Variants in PHACTR2 observed in about 807,000 individuals in gnomAD.
PHACTR2 encodes phosphatase and actin regulator 2.
Under a neutral mutation model 76.0 loss-of-function variants are expected in PHACTR2, and 30 were observed. The ratio of observed to expected loss-of-function variants is 0.39; its 90% CI spans 0.30 to 0.54. The LOEUF (loss-of-function observed/expected upper bound fraction) is 0.54. Among genes scored for constraint, PHACTR2 ranks in the 20% least tolerant of loss-of-function variants. The probability of loss-of-function intolerance (pLI) is 0.61; values close to 1 mark genes in which losing one functional copy is unlikely to be tolerated. For synonymous variants in PHACTR2, 292 were observed against 292.5 expected (o/e 1.00, Z 0.02); for missense variants, 696 against 781.1 (o/e 0.89, Z 1.30).
chr6:143,822,609 G>C lies in PHACTR2; in HGVS notation c.1923-1065G>C. On this transcript the variant is annotated intron_variant, in intron 12 of 12. Transcript: ENST00000440869. The surrounding 1 kb of genome is among the most constrained non-coding windows in gnomAD (Gnocchi z 5.5). ...GAGGAGCATAGATTTGATGGAGAGA[G>C]CCTGGGACAGGGAAACCAATTAGGA... 6.6e-6 allele frequency among the ~76,000 whole-genome samples: 1 copy of C among 152,318 alleles called. No individual in the cohort carries two copies. The highest frequency in any genetic ancestry group is 2.4e-5 in the African/African-American group (1 of 41,576).
At chr6:143,713,688 A>G (rs1287955143) in intron 2 of PHACTR2, among the ~76,000 whole-genome samples, 1 of 152,156 alleles carries the variant, frequency 6.6e-6, no homozygotes, top group Admixed American at 6.5e-5. Context: ...GAGGTGCTTC[A>G]GTTCCTGATT....
Position 143,624,104 on chromosome 6 carries a change from T to G in PHACTR2, c.13+15782T>G, listed in dbSNP as rs927712539. ...AATCTTGTTAATTTTTTTTGTTGTTTTTTTTGTTTGTTTGTTTGTTTTTAG... is the reference window on the plus strand; with the variant it reads ...AATCTTGTTAATTTTTTTTGTTGTTGTTTTTGTTTGTTTGTTTGTTTTTAG... On this transcript the variant is annotated intron_variant, in intron 1 of 11. Transcript: ENST00000305766. The surrounding 1 kb of genome is among the most constrained non-coding windows in gnomAD (Gnocchi z 4.6). Among the ~76,000 whole-genome samples, 1 of 150,528 alleles carries G rather than the reference T, an allele frequency of 6.6e-6. No individual in the cohort carries two copies. Among genetic ancestry groups the G allele is most frequent in the African/African-American group, 2.4e-5 (1 of 40,986 alleles).
At chr6:143,577,197 A>G (rs1182348591) in intron 1 of PHACTR2, among the ~76,000 whole-genome samples, 5 of 152,230 alleles carry the variant, frequency 3.3e-5, no homozygotes, top group African/African-American at 9.6e-5. Context: ...GGGAAGATTC[A>G]GTCTTTTAAA....
chr6:143,567,714 C>G (rs76767483), intron 1 of PHACTR2, among the ~76,000 whole-genome samples: 9,669 of 152,082 alleles, frequency 0.064, 367 homozygotes, highest in South Asian at 0.077. Flanking sequence ...TTTTGAAATG[C>G]CAGTCTGCAT....
rs909132823 is a variant in PHACTR2 at position 143,618,801 on chromosome 6, C to T, written c.13+10479C>T. 1.3e-5 allele frequency among the ~76,000 whole-genome samples: 2 copies of T among 152,044 alleles called. No individual in the cohort carries two copies. Among genetic ancestry groups the T allele is most frequent in the Admixed American group, 6.6e-5 (1 of 15,264 alleles). ...CCTCTGGATAGAATGAGTGTTCTCA[C>T]TCCTCTCCTCTCCTCCCCGAAAACT... On this transcript the variant is annotated intron_variant, in intron 1 of 11. Transcript: ENST00000305766. This position sits in a 1 kb window ranked among gnomAD's most constrained non-coding sequence, Gnocchi z 5.2.
rs1775411927 is a variant in PHACTR2 at position 143,780,847 on chromosome 6, G to T, written c.1646-2372G>T. On this transcript the variant is annotated intron_variant, in intron 9 of 12. Coordinates refer to ENST00000440869, the MANE Select transcript of PHACTR2 (RefSeq NM_001100164.2). The surrounding 1 kb of genome is among the most constrained non-coding windows in gnomAD (Gnocchi z 4.4). The stretch of plus-strand genomic sequence containing the variant: ...CCAGCCTGTTTAAATTGACCAGAAA[G>T]ATTTGCATCCTACTTTATAATTAGT... Among the ~76,000 whole-genome samples, 1 of 152,170 alleles carries T rather than the reference G, an allele frequency of 6.6e-6. No individual in the cohort carries two copies. The highest frequency in any genetic ancestry group is 1.5e-5 in the Non-Finnish European group (1 of 68,024).
intron 1 of PHACTR2, among the ~76,000 whole-genome samples, chr6:143,651,385 G>T (rs1284796383): frequency 6.6e-6 from 1 of 152,094 alleles, no homozygotes; most frequent in Non-Finnish European, 1.5e-5. Flanking sequence ...AAAGATACAT[G>T]CATGTGTATG....
chr6:143,584,508 G>A (rs973076364), intron 1 of PHACTR2, among the ~76,000 whole-genome samples: 6 of 152,162 alleles, frequency 3.9e-5, no homozygotes, highest in Non-Finnish European at 7.4e-5. Flanking sequence ...ATCAGAACAG[G>A]CTGCCTTTAC....
chr6:143,704,107 G>GTGTCTGTGTGTGTGTGTGTC (rs1356666780), intron 1 of PHACTR2, among the ~76,000 whole-genome samples: 2 of 151,572 alleles, frequency 1.3e-5, no homozygotes, highest in Non-Finnish European at 2.9e-5. Context: ...GTGTGTGTGT[G>GTGTCTGTGTGTGTGTGTGTC]TGTGTGTGTG....
intron 1 of PHACTR2, among the ~76,000 whole-genome samples, chr6:143,559,166 A>C (rs1775225383): frequency 6.6e-6 from 1 of 152,232 alleles, no homozygotes; most frequent in Admixed American, 6.5e-5. Context: ...TGACTCTTCC[A>C]ATAGAGCAAG....
chr6:143,613,024 G>T (rs746746057), intron 1 of PHACTR2, among the ~76,000 whole-genome samples: 9 of 152,080 alleles, frequency 5.9e-5, no homozygotes, highest in African/African-American at 2.2e-4. Flanking sequence ...TCTGTCGCCC[G>T]GGAGTGCGGT....
intron 2 of PHACTR2, among the ~76,000 whole-genome samples, chr6:143,725,924 C>G (rs1778558555): frequency 6.6e-6 from 1 of 152,118 alleles, no homozygotes. Context: ...GAGCTTCCTC[C>G]AGGTTGTTGC....
Position 143,821,414 on chromosome 6 carries a change from A to G in PHACTR2, c.1923-2260A>G, listed in dbSNP as rs1374678996. On this transcript the variant is annotated intron_variant, in intron 12 of 12. Coordinates refer to ENST00000440869, the MANE Select transcript of PHACTR2 (RefSeq NM_001100164.2). The surrounding 1 kb of genome is among the most constrained non-coding windows in gnomAD (Gnocchi z 5.2). Reference sequence around the variant, plus strand: ...TAGTTTTTCATTTTGTAATGCTTGTATTCAACACAGTGACGTTTAGTAAGT... The same window carrying G: ...TAGTTTTTCATTTTGTAATGCTTGTGTTCAACACAGTGACGTTTAGTAAGT... Among the ~76,000 whole-genome samples the G allele has an allele frequency of 6.6e-6, 1 of 152,210 alleles. No homozygotes were observed. The highest frequency in any genetic ancestry group is 2.4e-5 in the African/African-American group (1 of 41,458).
chr6:143,554,412 G>A lies in PHACTR2; in HGVS notation c.217+17205G>A, dbSNP rs1775138805. Reference sequence around the variant, plus strand: ...CTATCGATTTTGTAGTCGGGGAGTGGGATTGGGCTCAACTCTGAATGTAAC... The same window carrying A: ...CTATCGATTTTGTAGTCGGGGAGTGAGATTGGGCTCAACTCTGAATGTAAC... On this transcript the variant is annotated intron_variant, in intron 1 of 11. Coordinates refer to the PHACTR2 transcript ENST00000367584. The surrounding 1 kb of genome is among the most constrained non-coding windows in gnomAD (Gnocchi z 5.9). 6.6e-6 allele frequency: 1 copy of A among 152,104 alleles called. No homozygotes were observed. The highest frequency in any genetic ancestry group is 2.4e-5 in the African/African-American group (1 of 41,402). The allele number at this position is 152,104 out of a possible 1,614,324, so 9.4% of individuals were successfully genotyped here.
In PHACTR2 at chr6:143,765,815, A is replaced by G. The variant is rs1473673725; in HGVS notation, c.1232+17A>G. ...TGCAAAATGGTGAGTTGGGGAACAA[A>G]CCCCCTATTTTATCTGAGAACTAAA... On this transcript the variant is annotated intron_variant, in intron 6 of 12. Coordinates refer to ENST00000440869, the MANE Select transcript of PHACTR2 (RefSeq NM_001100164.2). This position sits in a 1 kb window ranked among gnomAD's most constrained non-coding sequence, Gnocchi z 4.1. 12 of 1,586,670 alleles carry G rather than the reference A, an allele frequency of 7.6e-6. No homozygotes were observed. Among genetic ancestry groups the G allele is most frequent in the South Asian group, 5.6e-5 (5 of 89,652 alleles).
In PHACTR2 at chr6:143,777,702, C is replaced by G. The variant is rs938131068; in HGVS notation, c.1645+319C>G. On this transcript the variant is annotated intron_variant, in intron 9 of 12. Coordinates refer to ENST00000440869, the MANE Select transcript of PHACTR2 (RefSeq NM_001100164.2). The surrounding 1 kb of genome is among the most constrained non-coding windows in gnomAD (Gnocchi z 4.6). Reference sequence around the variant, plus strand: ...TTAAATAGAAAAAGAATGCTCTAGTCTTCTCGCAAATAAATGTCAAAGAAA... The same window carrying G: ...TTAAATAGAAAAAGAATGCTCTAGTGTTCTCGCAAATAAATGTCAAAGAAA... 6.6e-6 allele frequency among the ~76,000 whole-genome samples: 1 copy of G among 152,088 alleles called. No individual in the cohort carries two copies. The highest frequency in any genetic ancestry group is 1.5e-5 in the Non-Finnish European group (1 of 68,010).
intron 1 of PHACTR2, among the ~76,000 whole-genome samples, chr6:143,638,827 G>A (rs1282888703): frequency 6.6e-6 from 1 of 152,148 alleles, no homozygotes; most frequent in Admixed American, 6.5e-5. Context: ...CATGTGTCTT[G>A]TCCATTGCTC....
At chr6:143,574,741 G>A (rs1029350892) in intron 1 of PHACTR2, among the ~76,000 whole-genome samples, 1 of 149,980 alleles carries the variant, frequency 6.7e-6, no homozygotes, top group Non-Finnish European at 1.5e-5. Flanking sequence ...GAAATTTGAT[G>A]TGAATATTTT....
upstream of PHACTR2, among the ~76,000 whole-genome samples, chr6:143,605,552 G>C (rs1295168749): frequency 6.6e-6 from 1 of 152,196 alleles, no homozygotes; most frequent in African/African-American, 2.4e-5. The surrounding 1 kb of genome is among the most constrained non-coding windows in gnomAD (Gnocchi z 5.0). Flanking sequence ...GGGAGGGACA[G>C]AGGAGGGGCA....
Sources: gnomAD v4.1 joint callset for allele counts (sites outside exome capture counted in the v4.1 genomes callset) on GRCh38, gnomAD v4.1.1 for gene constraint, Gnocchi (gnomAD v3.1) non-coding constraint, MANE v1.5 for transcripts, NCBI Gene and HGNC (gene_info 2026-07-23, HGNC 2026-07-21) for gene names.